TMTC3: variants seen among roughly 807,000 people sequenced by gnomAD.
TMTC3 encodes transmembrane O-mannosyltransferase targeting cadherins 3.
In TMTC3, 52 loss-of-function variants were observed where a neutral mutation model predicts 92.2. The observed-to-expected ratio is 0.56, with a 90% CI of 0.45 to 0.71. The LOEUF is 0.71. TMTC3 is among the 30% of genes least tolerant of loss of function. TMTC3 has a pLI of 0.00. For missense variants in TMTC3, 896 were observed against 1,057.1 expected (o/e 0.85, Z 2.11); for synonymous variants, 339 against 363.3 (o/e 0.93, Z 0.76).
chr12:88,169,659 C>T (rs1396778102), intron 7 of TMTC3, among the ~76,000 whole-genome samples: 1 of 152,110 alleles, frequency 6.6e-6, no homozygotes, highest in Middle Eastern at 3.2e-3. Context: ...AAAGAACTAA[C>T]TGGGTTCAAT....
At position 88,154,309 on chromosome 12, in the gene TMTC3, G is replaced by T; in HGVS notation, c.430G>T (p.Ala144Ser). 1 of 1,606,358 alleles carries T rather than the reference G, an allele frequency of 6.2e-7. No individual in the cohort carries two copies. Residue 144 changes from alanine (A) to serine (S), a missense_variant, in exon 4 of 14, where the codon GCA becomes TCA. Transcript: ENST00000266712. The part of the protein sequence containing the change: ...TEAVTGVVGR[A>S]ELLSSIFFLA... Reference sequence around the variant, plus strand: ...CTAGGTAACAGGAGTTGTTGGAAGAGCAGAACTTTTGTCATCTATCTTTTT... The same window carrying T: ...CTAGGTAACAGGAGTTGTTGGAAGATCAGAACTTTTGTCATCTATCTTTTT...
chr12:88,188,526 T>G (rs2041403860), intron 10 of TMTC3, among the ~76,000 whole-genome samples: 1 of 152,226 alleles, frequency 6.6e-6, no homozygotes, highest in Non-Finnish European at 1.5e-5. Flanking sequence ...CTCTCTTATG[T>G]CTCAACTCTT....
intron 6 of TMTC3, among the ~76,000 whole-genome samples, chr12:88,162,270 T>C (rs1216390623): frequency 6.6e-6 from 1 of 152,196 alleles, no homozygotes; most frequent in Non-Finnish European, 1.5e-5. Flanking sequence ...TAATATTTCC[T>C]GTTTACCATT....
chr12:88,165,465 T>G (rs930485831), intron 6 of TMTC3, among the ~76,000 whole-genome samples: 45 of 152,100 alleles, frequency 3.0e-4, no homozygotes, highest in Non-Finnish European at 4.6e-4. Context: ...TGAAATGATA[T>G]TATTTGTTCA....
intron 10 of TMTC3, among the ~76,000 whole-genome samples, chr12:88,179,075 G>A (rs1211950840): frequency 6.6e-6 from 1 of 152,146 alleles, no homozygotes; most frequent in Non-Finnish European, 1.5e-5. Context: ...CACACTTTGA[G>A]AATTGCTGTT....
intron 8 of TMTC3, among the ~76,000 whole-genome samples, chr12:88,173,858 A>C (rs2041230849): frequency 1.3e-5 from 2 of 152,136 alleles, no homozygotes; most frequent in South Asian, 4.1e-4. Flanking sequence ...CCAAGATCAC[A>C]CAGCTAGTAA....
chr12:88,174,112 AAG>A (rs2041233700), intron 8 of TMTC3, among the ~76,000 whole-genome samples: 1 of 152,130 alleles, frequency 6.6e-6, no homozygotes, highest in Non-Finnish European at 1.5e-5. Context: ...CTGTTTAATG[AAG>A]AGTCACTTTT....
Position 88,198,570 on chromosome 12 carries a change from G to C in TMTC3, c.*2921G>C. 1.0e-5 allele frequency: 4 copies of C among 394,818 alleles called. No individual in the cohort carries two copies. The highest frequency in any genetic ancestry group is 1.8e-5 in the Non-Finnish European group (4 of 223,836). 24.5% of individuals were successfully genotyped at this position (394,818 alleles called of 1,614,324 possible). ...GTAGTTTTCTGAAATTGGTAACTTG[G>C]AGAGTAAAATAACGTATTTTGCTTT... On this transcript the variant is annotated 3_prime_UTR_variant, in exon 14 of 14. Coordinates refer to ENST00000266712, the MANE Select transcript of TMTC3 (RefSeq NM_181783.4).
chr12:88,168,157 A>C (rs536957869), intron 7 of TMTC3, among the ~76,000 whole-genome samples: 1 of 152,346 alleles, frequency 6.6e-6, no homozygotes, highest in East Asian at 1.9e-4. Flanking sequence ...ATGAAGAGAA[A>C]AGTAGGAAAG....
chr12:88,182,612 C>G (rs972378943), intron 10 of TMTC3, among the ~76,000 whole-genome samples: 1 of 152,084 alleles, frequency 6.6e-6, no homozygotes, highest in African/African-American at 2.4e-5. Flanking sequence ...ATGACTAAAC[C>G]TCTTAGCTAT....
chr12:88,188,141 C>T (rs1166421273), intron 10 of TMTC3, among the ~76,000 whole-genome samples: 1 of 152,156 alleles, frequency 6.6e-6, no homozygotes, highest in African/African-American at 2.4e-5. Flanking sequence ...TGGGCCACTG[C>T]ATCTTAAGTA....
chr12:88,160,645 A>G (rs776762481), intron 5 of TMTC3, 34 bp from the exon 6 acceptor site: 7 of 1,589,164 alleles, frequency 4.4e-6, no homozygotes, highest in Non-Finnish European at 6.0e-6. Flanking sequence ...ATATGTCGTT[A>G]TTTGTTGCTT....
intron 5 of TMTC3, among the ~76,000 whole-genome samples, 153 bp downstream of exon 5, chr12:88,160,382 C>A (rs1208103675): frequency 6.6e-6 from 1 of 151,728 alleles, no homozygotes; most frequent in Non-Finnish European, 1.5e-5. Context: ...ATCCTCATAC[C>A]TACTGAAAAT....
At chr12:88,171,197 T>C (rs2041201028) in intron 7 of TMTC3, among the ~76,000 whole-genome samples, 1 of 152,196 alleles carries the variant, frequency 6.6e-6, no homozygotes, top group African/African-American at 2.4e-5. Flanking sequence ...GTTTAGCTTT[T>C]TTTTAATCAG....
chr12:88,174,159 A>G (rs1383870485), intron 8 of TMTC3, among the ~76,000 whole-genome samples: 5 of 152,230 alleles, frequency 3.3e-5, no homozygotes, highest in Admixed American at 2.6e-4. Context: ...TAGCTTTACA[A>G]TAGAGAAATA....
At chr12:88,163,681 C>G (rs111228150) in intron 6 of TMTC3, among the ~76,000 whole-genome samples, 2 of 18,594 alleles carry the variant, frequency 1.1e-4, no homozygotes, top group South Asian at 0.027. Flanking sequence ...ACATTGCCTT[C>G]TTTTCCAGTG....
chr12:88,195,336 T>G lies in TMTC3; in HGVS notation c.2432T>G (p.Leu811Trp), dbSNP rs1402275965. The G allele has an allele frequency of 1.2e-6, 2 of 1,613,976 alleles. 1 individual carries two copies. The highest frequency in any genetic ancestry group is 2.2e-5 in the South Asian group (2 of 91,082). ...CATGAAGAATATATTCAGCGCCATT[T>G]GAATATAGTCAGGGATAAGATTTCC... ...APHEEYIQRHLNIVRDKISSS... is the reference protein window; with the variant it reads ...APHEEYIQRHWNIVRDKISSS... Residue 811 changes from leucine to tryptophan, a missense_variant, in exon 14 of 14, where the codon TTG becomes TGG. By Grantham distance (61) the Leu-to-Trp change is moderately conservative. Transcript: ENST00000266712.
intron 4 of TMTC3, among the ~76,000 whole-genome samples, chr12:88,154,645 A>T (rs1456947598): frequency 6.6e-6 from 1 of 152,226 alleles, no homozygotes; most frequent in Non-Finnish European, 1.5e-5. Context: ...TAACCTTAGA[A>T]TAGAAGAGTT....
intron 1 of TMTC3, among the ~76,000 whole-genome samples, chr12:88,144,533 G>T (rs2040847906): frequency 6.6e-6 from 1 of 151,832 alleles, no homozygotes; most frequent in African/African-American, 2.4e-5. Context: ...CAAGGTGCCT[G>T]GTCTCTAATG....
Sources: allele counts gnomAD v4.1 joint callset (sites outside exome capture counted in the v4.1 genomes callset), GRCh38; gene constraint gnomAD v4.1.1; transcripts MANE v1.5; gene names NCBI Gene and HGNC (gene_info 2026-07-23, HGNC 2026-07-21).